The following HIVEP1 variants were observed in gnomAD, a reference collection of about 807,000 sequenced individuals.
The protein encoded by HIVEP1 is HIVEP zinc finger 1.
HIVEP1 carries 36 observed loss-of-function variants against 180.0 expected under a neutral mutation model. The observed-to-expected ratio is 0.20, with a 90% CI of 0.15 to 0.26. The LOEUF is 0.26. HIVEP1 is among the 10% of genes least tolerant of loss of function. The pLI, the probability that HIVEP1 is intolerant of heterozygous loss-of-function variation, is 1.00. For missense variants in HIVEP1, 3,143 were observed against 3,268.7 expected (o/e 0.96, Z 0.94); for synonymous variants, 1,239 against 1,239.0 (o/e 1.00, Z 0.00).
rs1238670182 is a variant in HIVEP1 at position 12,164,797 on chromosome 6, A to G, written c.*336A>G. The G allele has an allele frequency of 5.5e-6, 1 of 180,682 alleles. No individual in the cohort carries two copies. Among genetic ancestry groups the G allele is most frequent in the Non-Finnish European group, 1.2e-5 (1 of 86,138 alleles). 11.2% of individuals were successfully genotyped at this position (180,682 alleles called of 1,614,324 possible). ...GTCAAATAAATCAAATGATTAAATT[A>G]TATGTTCCACTGTTGAATATAAATT... On this transcript the variant is annotated 3_prime_UTR_variant, in exon 9 of 9. Transcript: ENST00000379388.
intron 1 of HIVEP1, among the ~76,000 whole-genome samples, chr6:12,013,598 G>T (rs1364874161): frequency 2.6e-5 from 4 of 152,158 alleles, no homozygotes; most frequent in Non-Finnish European, 5.9e-5. Context: ...CAGAGTTCAC[G>T]CTTTAAAAAC....
chr6:12,112,760 G>C (rs1561951824), intron 3 of HIVEP1, among the ~76,000 whole-genome samples: 1 of 152,086 alleles, frequency 6.6e-6, no homozygotes, highest in African/African-American at 2.4e-5. Context: ...GGAGGGGAGG[G>C]TTGCTCCATC....
chr6:12,055,912 C>T (rs1173564997), intron 2 of HIVEP1, among the ~76,000 whole-genome samples: 2 of 152,166 alleles, frequency 1.3e-5, no homozygotes, highest in Middle Eastern at 3.2e-3. Context: ...ATATGGAAGG[C>T]TAGTGTGCAT....
chr6:12,031,848 G>T (rs538484602), intron 2 of HIVEP1, among the ~76,000 whole-genome samples: 2 of 152,244 alleles, frequency 1.3e-5, no homozygotes, highest in South Asian at 4.1e-4. Flanking sequence ...TGTCCTTGCT[G>T]CATTTCCTAT....
At position 12,162,412 on chromosome 6, in the gene HIVEP1, G is replaced by A. The variant is rs541845480; in HGVS notation, c.6978+483G>A. Among the ~76,000 whole-genome samples the A allele has an allele frequency of 5.9e-5, 9 of 152,248 alleles. No individual in the cohort carries two copies. The South Asian group carries it at 1.0e-3, about 18-fold the overall frequency. On this transcript the variant is annotated intron_variant, in intron 8 of 8. Transcript: ENST00000379388. ...TTCTATGGCAAAGTTAATGTGACCC[G>A]AAAACACATCAAGAAGTTCACTTTG...
chr6:12,117,271 ATAAC>A (rs1775275371), intron 3 of HIVEP1, among the ~76,000 whole-genome samples: 1 of 152,226 alleles, frequency 6.6e-6, no homozygotes, highest in African/African-American at 2.4e-5. Flanking sequence ...AATTAAATAG[ATAAC>A]TAAGTATAAA....
At chr6:12,097,055 T>G (rs1033700683) in intron 3 of HIVEP1, among the ~76,000 whole-genome samples, 1 of 152,078 alleles carries the variant, frequency 6.6e-6, no homozygotes, top group African/African-American at 2.4e-5. Context: ...GATGTCTGAA[T>G]GGAATTCTGT....
the HIVEP1 span, among the ~76,000 whole-genome samples, chr6:12,202,564 G>A: frequency 2.6e-5 from 4 of 152,100 alleles, no homozygotes; most frequent in Non-Finnish European, 5.9e-5. Context: ...CTGATACTTC[G>A]TTTAGGACAT....
chr6:12,166,928 T>C (rs767480733), downstream of HIVEP1, among the ~76,000 whole-genome samples: 4 of 152,188 alleles, frequency 2.6e-5, no homozygotes, highest in Non-Finnish European at 5.9e-5. Flanking sequence ...AAAAAACAGC[T>C]GAAGAACCAC....
intron 7 of HIVEP1, among the ~76,000 whole-genome samples, chr6:12,148,328 G>T (rs571560456): frequency 1.3e-5 from 2 of 152,310 alleles, no homozygotes; most frequent in South Asian, 4.1e-4. Flanking sequence ...CCTCATCATA[G>T]GGGATACCTG....
intron 3 of HIVEP1, among the ~76,000 whole-genome samples, chr6:12,098,395 A>G (rs901016095): frequency 2.6e-5 from 4 of 152,244 alleles, no homozygotes; most frequent in African/African-American, 7.2e-5. Flanking sequence ...ATGGGGAGAA[A>G]AACCCAGGTT....
intron 2 of HIVEP1, among the ~76,000 whole-genome samples, chr6:12,054,508 C>T (rs1770737563): frequency 6.6e-6 from 1 of 152,144 alleles, no homozygotes; most frequent in Non-Finnish European, 1.5e-5. Context: ...TATAACTACA[C>T]ATGAATTTTA....
rs746482288 is a variant in HIVEP1, at chr6:12,123,930, G to C, written c.4135G>C (p.Glu1379Gln). 1.8e-5 allele frequency: 29 copies of C among 1,613,998 alleles called. No homozygotes were observed. The highest frequency in any genetic ancestry group is 2.0e-5 in the Non-Finnish European group (24 of 1,179,988). ...EQINCTQTSM[E>Q]VSDLRSKSFD... is the part of the protein sequence containing the mutation. ...GATTAATTGCACGCAAACGTCAATG[G>C]AGGTCTCTGATCTCAGAAGCAAATC... is the stretch of plus-strand genomic sequence containing the variant. The change falls in exon 4 of 9, where the codon GAG becomes CAG. Residue 1379 changes from glutamate to glutamine, a missense_variant. Glu to Gln is a conservative substitution (Grantham distance 29). Transcript: ENST00000379388.
the HIVEP1 span, among the ~76,000 whole-genome samples, chr6:12,205,883 C>A: frequency 3.0e-4 from 46 of 152,266 alleles, no homozygotes; most frequent in Middle Eastern, 6.8e-3. Flanking sequence ...TAGCATACAG[C>A]GTGGCACCTG....
At chr6:12,028,926 A>G (rs1382398368) in intron 2 of HIVEP1, among the ~76,000 whole-genome samples, 2 of 152,168 alleles carry the variant, frequency 1.3e-5, no homozygotes, top group South Asian at 2.1e-4. Flanking sequence ...ACATTTGCCT[A>G]TTCTGGACAT....
chr6:12,112,947 G>A (rs1469325167), intron 3 of HIVEP1, among the ~76,000 whole-genome samples: 1 of 152,072 alleles, frequency 6.6e-6, no homozygotes. Flanking sequence ...GTCTGTCCCT[G>A]TGGTGACATC....
chr6:12,032,181 C>G (rs1039249783), intron 2 of HIVEP1, among the ~76,000 whole-genome samples: 4 of 148,590 alleles, frequency 2.7e-5, no homozygotes, highest in Admixed American at 2.0e-4. Flanking sequence ...TGCTCTGTCG[C>G]CCAGGCTGGA....
intron 2 of HIVEP1, among the ~76,000 whole-genome samples, chr6:12,067,393 T>C (rs902835496): frequency 1.5e-4 from 23 of 152,344 alleles, no homozygotes; most frequent in African/African-American, 5.5e-4. Context: ...ACTTTTCTCA[T>C]GAATTCTTTA....
intron 3 of HIVEP1, among the ~76,000 whole-genome samples, chr6:12,118,789 G>A (rs1775378770): frequency 6.6e-6 from 1 of 152,124 alleles, no homozygotes. Context: ...TCTGTTCATT[G>A]ATATAATTGC....
Sources: allele counts gnomAD v4.1 joint callset (sites outside exome capture counted in the v4.1 genomes callset), GRCh38; gene constraint gnomAD v4.1.1; transcripts MANE v1.5; gene names NCBI Gene and HGNC (gene_info 2026-07-23, HGNC 2026-07-21).